The following TF variants were observed in gnomAD, a reference collection of about 807,000 sequenced individuals.
TF encodes serotransferrin.
In TF, 55 loss-of-function variants were observed where a neutral mutation model predicts 82.4. That is an observed-to-expected ratio of 0.67 (90% CI 0.54 to 0.84). TF has a LOEUF of 0.84. Among genes scored for constraint, TF ranks in the 40% least tolerant of loss-of-function variants. The pLI, the probability that TF is intolerant of heterozygous loss-of-function variation, is 0.00. For missense variants in TF, 737 were observed against 868.4 expected, an observed-to-expected ratio of 0.85 and a Z score of 1.90; for synonymous variants, 332 against 332.6, an observed-to-expected ratio of 1.00 and a Z score of 0.02.
chr3:133,714,376 C>T, the TF span, among the ~76,000 whole-genome samples: 1 of 152,208 alleles, frequency 6.6e-6, no homozygotes, highest in Non-Finnish European at 1.5e-5. Flanking sequence ...TATTCATAGA[C>T]ACCAGGGTAT....
At chr3:133,678,426 G>C in the TF span, among the ~76,000 whole-genome samples, 1 of 152,196 alleles carries the variant, frequency 6.6e-6, no homozygotes, top group African/African-American at 2.4e-5. Context: ...GAACCTTGAG[G>C]AATCACCACA....
intron 14 of TF, chr3:133,775,076 C>T (rs780957726): frequency 2.0e-5 from 7 of 354,366 alleles, no homozygotes; most frequent in Non-Finnish European, 3.8e-5. Flanking sequence ...ATTGATCAAC[C>T]TGGCTTAGAG....
At chr3:133,746,114 A>G, upstream of TF, 1 of 466,752 alleles carries the variant, frequency 2.1e-6, no homozygotes, top group South Asian at 2.1e-5. Flanking sequence ...CCCGGCTCCC[A>G]GCCCGCCGTA....
At chr3:133,775,001 A>T (rs1934350527) in intron 14 of TF, 1 of 333,260 alleles carries the variant, frequency 3.0e-6, no homozygotes, top group Non-Finnish European at 5.9e-6. Context: ...TCTGGTGCAG[A>T]TTCCAAAGGT....
At chr3:133,776,747 G>A (rs1934402001) in intron 15 of TF, among the ~76,000 whole-genome samples, 1 of 152,104 alleles carries the variant, frequency 6.6e-6, no homozygotes, top group Non-Finnish European at 1.5e-5. Flanking sequence ...AGCCCCCAGT[G>A]AAGGGCAATG....
At position 133,789,892 on chromosome 3, in the gene TF, T is replaced by G. The variant is rs1248580216; in HGVS notation, c.*11272T>G. The G allele has an allele frequency of 6.2e-5, 7 of 112,204 alleles. No individual in the cohort carries two copies. The highest frequency in any genetic ancestry group is 8.9e-5 in the African/African-American group (3 of 33,706). 7.0% of individuals were successfully genotyped at this position (112,204 alleles called of 1,614,324 possible). The stretch of plus-strand genomic sequence containing the variant: ...GATCTCGTTTGCGTTTTTTTTTTTT[T>G]TTTTTTTTTTTTTTTTGACAAATGA... On this transcript the variant is annotated 3_prime_UTR_variant, in exon 17 of 17. Transcript: ENST00000402696.
chr3:133,737,495 C>A, the TF span, among the ~76,000 whole-genome samples: 4 of 149,398 alleles, frequency 2.7e-5, no homozygotes, highest in Admixed American at 1.3e-4. Context: ...TAGAGACACA[C>A]AAAAAAAAAC....
chr3:133,757,814 T>C lies in TF; in HGVS notation c.916T>C (p.Ser306Pro). 6.2e-7 allele frequency: 1 copy of C among 1,614,172 alleles called. No individual in the cohort carries two copies. Among genetic ancestry groups the C allele is most frequent in the Non-Finnish European group, 8.5e-7 (1 of 1,180,020 alleles). Reference sequence around the variant, plus strand: ...ATCAAAAGAATTCCAACTATTCAGCTCTCCTCATGGGAAGGACCTGCTGTT... The same window carrying C: ...ATCAAAAGAATTCCAACTATTCAGCCCTCCTCATGGGAAGGACCTGCTGTT... Reference protein sequence around the residue: ...DKSKEFQLFSSPHGKDLLFKD... With the variant: ...DKSKEFQLFSPPHGKDLLFKD... The change falls in exon 8 of 17, where the codon TCT becomes CCT. Residue 306 changes from serine to proline, a missense_variant. Coordinates refer to ENST00000402696, the MANE Select transcript of TF (RefSeq NM_001063.4).
At chr3:133,756,770 G>T (rs7633232) in intron 6 of TF, 61 bp from the exon 7 acceptor site, 1 of 1,594,458 alleles carries the variant, frequency 6.3e-7, no homozygotes, top group South Asian at 1.1e-5. Flanking sequence ...TGAATTTCAA[G>T]GATGGGCACC....
chr3:133,756,921 A>G lies in TF; in HGVS notation c.782A>G (p.His261Arg). 1 of 1,614,188 alleles carries G rather than the reference A, an allele frequency of 6.2e-7. No individual in the cohort carries two copies. Residue 261 changes from histidine to arginine, a missense_variant, in exon 7 of 17, where the codon CAC becomes CGC. By Grantham distance (29) the His-to-Arg change is conservative. Coordinates refer to ENST00000402696, the MANE Select transcript of TF (RefSeq NM_001063.4). ...CCGGTAGATGAATACAAGGACTGCC[A>G]CTTGGCCCAGGTCCCTTCTCATACC... is the stretch of plus-strand genomic sequence containing the variant. ...RKPVDEYKDC[H>R]LAQVPSHTVV...
rs1441565793 is a variant in TF at position 133,782,889 on chromosome 3, G to C, written c.*4269G>C. The C allele has an allele frequency of 6.6e-6, 1 of 152,034 alleles. No homozygotes were observed. Among genetic ancestry groups the C allele is most frequent in the African/African-American group, 2.4e-5 (1 of 41,360 alleles). 9.4% of individuals were successfully genotyped at this position (152,034 alleles called of 1,614,324 possible). The stretch of plus-strand genomic sequence containing the variant: ...CACACACACAAAAAAAATTAGCGAG[G>C]AGTGCTGGTGCCCACCTGTAGTCCC... On this transcript the variant is annotated 3_prime_UTR_variant, in exon 17 of 17. Coordinates refer to ENST00000402696, the MANE Select transcript of TF (RefSeq NM_001063.4).
At chr3:133,720,740 T>C in the TF span, among the ~76,000 whole-genome samples, 1 of 152,114 alleles carries the variant, frequency 6.6e-6, no homozygotes, top group Non-Finnish European at 1.5e-5. Context: ...TTTTCTTTGA[T>C]GGAAGATTTT....
intron 13 of TF, among the ~76,000 whole-genome samples, chr3:133,768,971 T>G (rs1934196574): frequency 6.6e-6 from 1 of 152,018 alleles, no homozygotes; most frequent in Admixed American, 6.6e-5. Context: ...TTTTGTATTT[T>G]TTTGTAGAGA....
intron 16 of TF, 198 bp from the exon 17 acceptor site, chr3:133,778,388 C>T (rs959063493): frequency 1.5e-5 from 8 of 517,454 alleles, no homozygotes; most frequent in Admixed American, 1.1e-4. Flanking sequence ...ACAGCTTTGG[C>T]GTGGGGCACT....
the TF span, among the ~76,000 whole-genome samples, chr3:133,689,019 G>T: frequency 3.3e-5 from 5 of 152,258 alleles, no homozygotes; most frequent in Middle Eastern, 3.4e-3. Context: ...TGAGAGATCT[G>T]CAAGGCTTTT....
chr3:133,732,640 C>T, the TF span, among the ~76,000 whole-genome samples: 2 of 152,216 alleles, frequency 1.3e-5, no homozygotes, highest in Non-Finnish European at 2.9e-5. Context: ...TGAAGGTCTG[C>T]AGCTTCATTT....
In TF at chr3:133,784,470, AAAATAAT is replaced by A. The variant is rs1472331548; in HGVS notation, c.*5853_*5859del. 2 of 96,298 alleles carry A rather than the reference AAAATAAT, an allele frequency of 2.1e-5. No homozygotes were observed. Among genetic ancestry groups the A allele is most frequent in the African/African-American group, 4.5e-5 (1 of 22,412 alleles). The allele number at this position is 96,298 out of a possible 1,614,324, so 6.0% of individuals were successfully genotyped here. ...ATCTTGTAAATTCCCATTTGTTAAA[AAAATAAT>A]AATAATAATAATAATAATAATAATA... On this transcript the variant is annotated 3_prime_UTR_variant, in exon 17 of 17. Transcript: ENST00000402696.
chr3:133,696,234 T>G, the TF span, among the ~76,000 whole-genome samples: 1 of 151,920 alleles, frequency 6.6e-6, no homozygotes, highest in African/African-American at 2.4e-5. Flanking sequence ...AGTTGGAGGC[T>G]ACAGCGAGCT....
chr3:133,757,115 A>G, intron 7 of TF, 106 bp downstream of exon 7: 1 of 1,449,728 alleles, frequency 6.9e-7, no homozygotes, highest in Non-Finnish European at 9.6e-7. Context: ...TGTTCAGGAT[A>G]CAGTGGGAGC....
Sources: allele counts gnomAD v4.1 joint callset (sites outside exome capture counted in the v4.1 genomes callset), GRCh38; gene constraint gnomAD v4.1.1; transcripts MANE v1.5; gene names NCBI Gene and HGNC (gene_info 2026-07-23, HGNC 2026-07-21).